ZNF805: variants seen among roughly 807,000 people sequenced by gnomAD.
ZNF805 encodes the protein CTC-444N24.8.
ZNF805 carries 7 observed loss-of-function variants against 13.6 expected under a neutral mutation model. The ratio of observed to expected loss-of-function variants is 0.51; its 90% CI spans 0.29 to 0.97. ZNF805 has a LOEUF of 0.97. ZNF805 is among the 50% of genes least tolerant of loss of function. ZNF805 has a pLI of 0.08. For synonymous variants in ZNF805, 293 were observed against 279.8 expected (o/e 1.05, Z -0.47); for missense variants, 604 against 771.0 (o/e 0.78, Z 2.57).
chr19:57,254,693 C>T lies in ZNF805; in HGVS notation c.1874C>T (p.Ser625Phe), dbSNP rs781106181. The T allele has an allele frequency of 6.2e-7, 1 of 1,604,728 alleles. No homozygotes were observed. Among genetic ancestry groups the T allele is most frequent in the East Asian group, 2.2e-5 (1 of 44,830 alleles). The change falls in exon 4 of 4, where the codon TCT (serine) becomes TTT (phenylalanine). Residue 625 changes from serine (S) to phenylalanine (F), a missense_variant. Physicochemically the swap from Ser to Phe is radical, Grantham distance 155. Coordinates refer to ENST00000414468, the MANE Select transcript of ZNF805 (RefSeq NM_001023563.4). ...TACCAAAGAGAAACCCCACAAGTGT[C>T]TTCACTGTGAGAAAACCTTCTGTTG... ...RTYQRETPQV[S>F]SL
chr19:57,246,051 A>G (rs1020556442), intron 2 of ZNF805, among the ~76,000 whole-genome samples: 3 of 152,208 alleles, frequency 2.0e-5, no homozygotes, highest in African/African-American at 7.2e-5. Flanking sequence ...CATTTGAGGA[A>G]AACTCTGGTT....
In ZNF805 at chr19:57,258,449, T is replaced by TTA. The variant is rs1491272094; in HGVS notation, c.*3747_*3748insAT. 4.0e-5 allele frequency among the ~76,000 whole-genome samples: 6 copies of TTA among 151,004 alleles called. No homozygotes were observed. Among genetic ancestry groups the TTA allele is most frequent in the South Asian group, 4.1e-4 (2 of 4,822 alleles). The stretch of plus-strand genomic sequence containing the variant: ...TTGGTTTGTTTGGGTTTTTTTTTTT[T>TTA]TGTCTTTAACATTTTTTAGAATTCC... On this transcript the variant is annotated 3_prime_UTR_variant, in exon 4 of 4. Transcript: ENST00000414468.
chr19:57,243,112 C>T (rs1179877039), intron 1 of ZNF805, among the ~76,000 whole-genome samples: 2 of 152,208 alleles, frequency 1.3e-5, no homozygotes, highest in East Asian at 1.9e-4. Flanking sequence ...GCTACTTGGG[C>T]GGCTAAGGCA....
intron 2 of ZNF805, among the ~76,000 whole-genome samples, chr19:57,245,760 C>G (rs984946326): frequency 2.7e-5 from 4 of 149,574 alleles, no homozygotes; most frequent in Non-Finnish European, 5.9e-5. Flanking sequence ...GCCTGGGCGA[C>G]AGAGCGAGAC....
At chr19:57,240,993 C>T (rs1422236261) in intron 1 of ZNF805, 72 bp downstream of exon 1, 1 of 1,485,096 alleles carries the variant, frequency 6.7e-7, no homozygotes, top group East Asian at 2.5e-5. Flanking sequence ...GGCCGGAAGC[C>T]AAGACAGCCA....
intron 2 of ZNF805, among the ~76,000 whole-genome samples, chr19:57,247,876 C>T (rs2087628544): frequency 6.6e-6 from 1 of 152,204 alleles, no homozygotes; most frequent in African/African-American, 2.4e-5. Context: ...ATGATATGGA[C>T]TTCCTGGGTA....
rs771722698 is a variant in ZNF805, at chr19:57,240,845, C to G, written c.-47C>G. 115 of 1,540,510 alleles carry G rather than the reference C, an allele frequency of 7.5e-5. No individual in the cohort carries two copies. The highest frequency in any genetic ancestry group is 9.6e-5 in the Non-Finnish European group (109 of 1,140,052). On this transcript the variant is annotated 5_prime_UTR_variant, in exon 1 of 4. Coordinates refer to ENST00000414468, the MANE Select transcript of ZNF805 (RefSeq NM_001023563.4). ...GGCTCGGCTGAGCCCGCGAGACCCG[C>G]CCTGCTCGCCGCAGCCCCCGCCCCG...
rs2122850098 is a variant in ZNF805, at chr19:57,257,824, A to G, written c.*3121A>G. Among the ~76,000 whole-genome samples, 1 of 147,570 alleles carries G rather than the reference A, an allele frequency of 6.8e-6. No individual in the cohort carries two copies. The highest frequency in any genetic ancestry group is 2.0e-4 in the East Asian group (1 of 4,966). ...TGGGTTCAAGTGATTCTCCTGCCTCAGGCTCTTGAGTAGCTGGGATTACAG... is the reference window on the plus strand; with the variant it reads ...TGGGTTCAAGTGATTCTCCTGCCTCGGGCTCTTGAGTAGCTGGGATTACAG... On this transcript the variant is annotated 3_prime_UTR_variant, in exon 4 of 4. Coordinates refer to ENST00000414468, the MANE Select transcript of ZNF805 (RefSeq NM_001023563.4).
chr19:57,245,528 C>T (rs1401705165), intron 2 of ZNF805, among the ~76,000 whole-genome samples: 1 of 151,822 alleles, frequency 6.6e-6, no homozygotes, highest in Non-Finnish European at 1.5e-5. Flanking sequence ...GCCTGTAATC[C>T]CAGCACTTTG....
In ZNF805 at chr19:57,253,700, A is replaced by G. The variant is rs2087666712; in HGVS notation, c.881A>G (p.Lys294Arg). 6.2e-7 allele frequency: 1 copy of G among 1,613,962 alleles called. No individual in the cohort carries two copies. The highest frequency in any genetic ancestry group is 8.5e-7 in the Non-Finnish European group (1 of 1,179,980). Residue 294 changes from lysine (K) to arginine (R), a missense_variant, in exon 4 of 4, where the codon AAG becomes AGG. By Grantham distance (26) the Lys-to-Arg change is conservative. Around this residue, in one of 3 missense-constraint regions of ZNF805, gnomAD observed 327 missense variants for 378.2 expected, o/e 0.86. Coordinates refer to ENST00000414468, the MANE Select transcript of ZNF805 (RefSeq NM_001023563.4). The surrounding 1 kb of genome is among the most constrained non-coding windows in gnomAD (Gnocchi z 4.4). Reference sequence around the variant, plus strand: ...CCTTATAAGTGCAGTGAATGTGGAAAGGCCTTCACCCACCGCTCCACTTTT... The same window carrying G: ...CCTTATAAGTGCAGTGAATGTGGAAGGGCCTTCACCCACCGCTCCACTTTT... ...EKPYKCSECG[K>R]AFTHRSTFVL...
chr19:57,257,507 C>T lies in ZNF805; in HGVS notation c.*2804C>T, dbSNP rs1040861330. 6.8e-6 allele frequency among the ~76,000 whole-genome samples: 1 copy of T among 148,030 alleles called. No individual in the cohort carries two copies. The highest frequency in any genetic ancestry group is 2.4e-5 in the African/African-American group (1 of 41,084). On this transcript the variant is annotated 3_prime_UTR_variant, in exon 4 of 4. Coordinates refer to ENST00000414468, the MANE Select transcript of ZNF805 (RefSeq NM_001023563.4). ...GACCCTTTTATAATTAAGTAATGTC[C>T]CTTTTTGTTCCTGTTAATACTCTTA...
chr19:57,254,311 C>A lies in ZNF805; in HGVS notation c.1492C>A (p.Leu498Ile). ...CGKAFNRRSGLTRHQRIHSGE... is the reference protein window; with the variant it reads ...CGKAFNRRSGITRHQRIHSGE... ...AAAGGCCTTCAACCGCAGGTCAGGC[C>A]TCACAAGGCACCAGCGGATTCATAG... Residue 498 changes from leucine (L) to isoleucine (I), a missense_variant, in exon 4 of 4, where the codon CTC (leucine) becomes ATC (isoleucine). Leu to Ile is a conservative substitution (Grantham distance 5). Around this residue, in one of 3 missense-constraint regions of ZNF805, gnomAD observed 228 missense variants for 352.8 expected, o/e 0.65. Coordinates refer to ENST00000414468, the MANE Select transcript of ZNF805 (RefSeq NM_001023563.4). 6.2e-7 allele frequency: 1 copy of A among 1,614,112 alleles called. No homozygotes were observed. The highest frequency in any genetic ancestry group is 8.5e-7 in the Non-Finnish European group (1 of 1,180,010).
At chr19:57,248,837 G>C in intron 3 of ZNF805, 137 bp downstream of exon 3, 1 of 816,332 alleles carries the variant, frequency 1.2e-6, no homozygotes, top group Non-Finnish European at 2.0e-6. Context: ...CCTTTAACCT[G>C]TGGTTTCTCC....
rs377729888 is a variant in ZNF805, at chr19:57,240,909, G to A, written c.18G>A (p.Thr6=). Residue 6 remains threonine (T), a synonymous_variant, in exon 1 of 4, where the codon ACG becomes ACA. Coordinates refer to ENST00000414468, the MANE Select transcript of ZNF805 (RefSeq NM_001023563.4). The stretch of plus-strand genomic sequence containing the variant: ...GTCCCGGTATGGCGATGGCTTTGAC[G>A]GACCCGGCGCAGGTGAGTGGACAAG... MAMAL[T]DPAQVSVTFD... The A allele has an allele frequency of 1.1e-4, 167 of 1,558,252 alleles. No homozygotes were observed. In the African/African-American group the frequency reaches 2.1e-3, roughly 20 times the overall value.
chr19:57,242,195 C>T (rs1414277534), intron 1 of ZNF805, among the ~76,000 whole-genome samples: 2 of 152,204 alleles, frequency 1.3e-5, no homozygotes, highest in Admixed American at 6.5e-5. Context: ...AAGTAACAAA[C>T]TCATATTTAG....
chr19:57,254,746 CATATT>C lies in ZNF805; in HGVS notation c.*45_*49del. On this transcript the variant is annotated 3_prime_UTR_variant, in exon 4 of 4. Transcript: ENST00000414468. ...AAATGTCATTTGTCACCTAAGGAGTCATATTAGAAAATCACGCAGCTTAGAGCCTT... is the reference window on the plus strand; with the variant it reads ...AAATGTCATTTGTCACCTAAGGAGTCAGAAAATCACGCAGCTTAGAGCCTT... 1 of 1,546,256 alleles carries C rather than the reference CATATT, an allele frequency of 6.5e-7. No homozygotes were observed. The highest frequency in any genetic ancestry group is 8.7e-7 in the Non-Finnish European group (1 of 1,145,576).
rs767604157 is a variant in ZNF805, at chr19:57,257,546, G to A, written c.*2843G>A. Among the ~76,000 whole-genome samples, 1 of 151,804 alleles carries A rather than the reference G, an allele frequency of 6.6e-6. No homozygotes were observed. Among genetic ancestry groups the A allele is most frequent in the Non-Finnish European group, 1.5e-5 (1 of 67,958 alleles). ...TTAATACTCTTATCAATTTTTATCT[G>A]ATATTTGTGTGGTCAGTCTTACGTT... On this transcript the variant is annotated 3_prime_UTR_variant, in exon 4 of 4. Transcript: ENST00000414468.
Position 57,254,899 on chromosome 19 carries a change from G to GA in ZNF805, c.*199dup. 3.4e-6 allele frequency: 2 copies of GA among 585,550 alleles called. No homozygotes were observed. The highest frequency in any genetic ancestry group is 6.0e-6 in the Non-Finnish European group (2 of 333,046). 36.3% of individuals were successfully genotyped at this position (585,550 alleles called of 1,614,324 possible). A position where few individuals can be genotyped will look rare whatever the true frequency, so the allele number is the denominator to read the frequency against. Reference sequence around the variant, plus strand: ...GTTATCTCAGGAATTTTTATAAACAGAAAGAGGTGACATAGAAAAGAAAAT... The same window carrying GA: ...GTTATCTCAGGAATTTTTATAAACAGAAAAGAGGTGACATAGAAAAGAAAAT... On this transcript the variant is annotated 3_prime_UTR_variant, in exon 4 of 4. Transcript: ENST00000414468.
chr19:57,244,691 C>T (rs932543759), intron 2 of ZNF805, among the ~76,000 whole-genome samples: 5 of 152,162 alleles, frequency 3.3e-5, no homozygotes, highest in African/African-American at 9.7e-5. Context: ...AGAACCGCCA[C>T]GATGGGGTCC....
Sources: gnomAD v4.1 joint callset for allele counts (sites outside exome capture counted in the v4.1 genomes callset) on GRCh38, gnomAD v4.1.1 for gene constraint, gnomAD v4.1.1 regional missense constraint, Gnocchi (gnomAD v3.1) non-coding constraint, MANE v1.5 for transcripts, NCBI Gene and HGNC (gene_info 2026-07-23, HGNC 2026-07-21) for gene names.